The following DPP10 variants were observed in gnomAD, a reference collection of about 807,000 sequenced individuals.
DPP10 encodes the protein dipeptidyl peptidase like 10.
DPP10 carries 33 observed loss-of-function variants against 120.9 expected under a neutral mutation model. The ratio of observed to expected loss-of-function variants is 0.27; its 90% confidence interval spans 0.21 to 0.37. The LOEUF (loss-of-function observed/expected upper bound fraction) is 0.37, where lower values mean the gene tolerates loss of function less well. Ranked by LOEUF, DPP10 falls within the 10% of genes least tolerant of loss-of-function variation. The pLI is 1.00. For synonymous variants in DPP10, 337 were observed against 326.1 expected (o/e 1.03, Z -0.36); for missense variants, 816 against 942.8 (o/e 0.87, Z 1.76).
chr2:115,546,575 C>T (rs775991805), intron 5 of DPP10, among the ~76,000 whole-genome samples: 2 of 152,028 alleles, frequency 1.3e-5, no homozygotes, highest in Non-Finnish European at 2.9e-5. Context: ...ATTTTCTACT[C>T]TCTTTGGAAT....
At chr2:114,888,663 G>T (rs1692286741) in intron 1 of DPP10, among the ~76,000 whole-genome samples, 1 of 152,158 alleles carries the variant, frequency 6.6e-6, no homozygotes, top group African/African-American at 2.4e-5. Context: ...CACTTAAAAA[G>T]TTACTGTTTC....
intron 8 of DPP10, among the ~76,000 whole-genome samples, chr2:115,733,552 A>C (rs2092960172): frequency 1.3e-5 from 2 of 150,886 alleles, no homozygotes; most frequent in Admixed American, 1.3e-4. Context: ...AATAGAGACT[A>C]TTCTTTCAAG....
At chr2:115,247,558 G>A (rs1425176672) in intron 1 of DPP10, among the ~76,000 whole-genome samples, 1 of 152,122 alleles carries the variant, frequency 6.6e-6, no homozygotes, top group Non-Finnish European at 1.5e-5. Context: ...ATAGAAGAAT[G>A]TATTAGGGTG....
In DPP10 at chr2:114,451,734, G is replaced by C. The variant is rs562689937; in HGVS notation, c.60+8896G>C. Among the ~76,000 whole-genome samples the C allele has an allele frequency of 2.0e-5, 3 of 152,224 alleles. No individual in the cohort carries two copies. The East Asian group carries it at 5.8e-4, about 29-fold the overall frequency. On this transcript the variant is annotated intron_variant, in intron 1 of 25. Transcript: ENST00000410059. ...GATTTGGCTGTACTCTGACGGCAAAGCTTAAATGCAATACAGCAGGGACAA... is the reference window on the plus strand; with the variant it reads ...GATTTGGCTGTACTCTGACGGCAAACCTTAAATGCAATACAGCAGGGACAA...
intron 1 of DPP10, among the ~76,000 whole-genome samples, chr2:114,764,443 T>G (rs1466791005): frequency 6.6e-6 from 1 of 151,986 alleles, no homozygotes; most frequent in East Asian, 1.9e-4. Context: ...AGAAAGACAT[T>G]AGAATTGTTC....
At chr2:114,516,732 C>T (rs918813779) in intron 1 of DPP10, among the ~76,000 whole-genome samples, 22 of 152,132 alleles carry the variant, frequency 1.4e-4, no homozygotes, top group African/African-American at 4.6e-4. Flanking sequence ...ACTGGTTTAC[C>T]ACATTAAACT....
chr2:114,917,179 C>T, intron 1 of DPP10, among the ~76,000 whole-genome samples: 1 of 152,068 alleles, frequency 6.6e-6, no homozygotes, highest in East Asian at 1.9e-4. Flanking sequence ...CCAATAATGT[C>T]CAAGCTGACA....
intron 1 of DPP10, among the ~76,000 whole-genome samples, chr2:114,640,638 G>A (rs1304313158): frequency 6.6e-6 from 1 of 151,758 alleles, no homozygotes; most frequent in Non-Finnish European, 1.5e-5. Context: ...CCTTCATCAG[G>A]GCAGCCTGCT....
intron 1 of DPP10, chr2:115,064,895 G>T (rs975478189): frequency 2.4e-6 from 3 of 1,227,574 alleles, no homozygotes; most frequent in Non-Finnish European, 3.2e-6. Flanking sequence ...GTACTGAATT[G>T]TCTTTTCCTA....
chr2:115,257,732 TA>T (rs2059068255), intron 1 of DPP10, among the ~76,000 whole-genome samples: 1 of 152,172 alleles, frequency 6.6e-6, no homozygotes, highest in African/African-American at 2.4e-5. Context: ...AGATGTTGAG[TA>T]TTTTTTTCCT....
intron 1 of DPP10, among the ~76,000 whole-genome samples, chr2:114,932,435 A>T (rs1227272591): frequency 4.6e-5 from 7 of 152,254 alleles, no homozygotes; most frequent in African/African-American, 1.7e-4. Context: ...GAGAATAAAT[A>T]AATTGTGGTA....
intron 5 of DPP10, among the ~76,000 whole-genome samples, chr2:115,592,432 A>T (rs139656660): frequency 6.6e-6 from 1 of 152,212 alleles, no homozygotes; most frequent in East Asian, 1.9e-4. Context: ...GGAAAGGCAT[A>T]CAAAAGGCCT....
chr2:115,531,514 A>G (rs1004110356), intron 5 of DPP10, among the ~76,000 whole-genome samples: 1 of 152,090 alleles, frequency 6.6e-6, no homozygotes, highest in Non-Finnish European at 1.5e-5. Flanking sequence ...TTAACGTCCA[A>G]CTGTTCATTT....
chr2:115,300,327 G>T (rs139769101), intron 1 of DPP10, among the ~76,000 whole-genome samples: 1 of 152,100 alleles, frequency 6.6e-6, no homozygotes, highest in African/African-American at 2.4e-5. Context: ...TACAGTATTT[G>T]TCCGTTTGTG....
intron 1 of DPP10, among the ~76,000 whole-genome samples, chr2:115,121,353 A>T (rs1396795842): frequency 6.6e-6 from 1 of 152,174 alleles, no homozygotes; most frequent in African/African-American, 2.4e-5. Flanking sequence ...TTGCTTAGAG[A>T]AGGAGATTAG....
chr2:115,495,684 C>G (rs887603112), intron 3 of DPP10, among the ~76,000 whole-genome samples: 1 of 151,980 alleles, frequency 6.6e-6, no homozygotes, highest in South Asian at 2.1e-4. Flanking sequence ...AAAATTGGAT[C>G]GAAATGGCAG....
intron 1 of DPP10, among the ~76,000 whole-genome samples, chr2:114,773,449 C>T (rs1280966596): frequency 7.0e-6 from 1 of 143,822 alleles, no homozygotes; most frequent in Non-Finnish European, 1.5e-5. Context: ...AATGAACACT[C>T]ATCACGGACT....
intron 1 of DPP10, among the ~76,000 whole-genome samples, chr2:114,743,263 T>C (rs1678243572): frequency 6.6e-6 from 1 of 152,198 alleles, no homozygotes; most frequent in Non-Finnish European, 1.5e-5. Context: ...GTACATCTTT[T>C]GGGATTATGA....
intron 1 of DPP10, among the ~76,000 whole-genome samples, chr2:114,935,836 G>C (rs1696418956): frequency 6.6e-6 from 1 of 151,058 alleles, no homozygotes; most frequent in South Asian, 2.1e-4. Context: ...GAACCTTCTG[G>C]CTGCACATTA....
Sources: allele counts gnomAD v4.1 joint callset (sites outside exome capture counted in the v4.1 genomes callset), GRCh38; gene constraint gnomAD v4.1.1; transcripts MANE v1.5; gene names NCBI Gene and HGNC (gene_info 2026-07-23, HGNC 2026-07-21).